Variants in DARS2 observed in about 807,000 individuals in gnomAD.
DARS2 encodes the protein aspartyl-tRNA synthetase 2, mitochondrial.
A neutral mutation model predicts 83.0 loss-of-function variants in DARS2; 63 were observed. The observed-to-expected ratio is 0.76, with a 90% CI of 0.62 to 0.94. The LOEUF is 0.94. DARS2 is among the 40% of genes least tolerant of loss of function. The pLI, the probability that DARS2 is intolerant of heterozygous loss-of-function variation, is 0.00. For missense variants in DARS2, 675 were observed against 774.4 expected (o/e 0.87, Z 1.52); for synonymous variants, 250 against 269.3 (o/e 0.93, Z 0.70).
chr1:173,854,058 C>T (rs980322045), intron 15 of DARS2, among the ~76,000 whole-genome samples, 153 bp downstream of exon 15: 20 of 152,310 alleles, frequency 1.3e-4, no homozygotes, highest in African/African-American at 4.6e-4. Context: ...TCACTGCAAT[C>T]TCAGTCTCCT....
chr1:173,857,423 T>C, intron 16 of DARS2, 95 bp from the exon 17 acceptor site: 2 of 1,285,478 alleles, frequency 1.6e-6, no homozygotes, highest in South Asian at 1.2e-5. Context: ...TAAAGATTCT[T>C]ATTTAAAAGT....
At chr1:173,850,276 C>G in intron 12 of DARS2, 51 bp from the exon 13 acceptor site, 3 of 1,482,556 alleles carry the variant, frequency 2.0e-6, no homozygotes, top group Non-Finnish European at 2.7e-6. Flanking sequence ...AAATTAATCC[C>G]ACTGTTCAAA....
chr1:173,852,691 G>A (rs1316919329), intron 13 of DARS2, among the ~76,000 whole-genome samples: 1 of 151,976 alleles, frequency 6.6e-6, no homozygotes, highest in Non-Finnish European at 1.5e-5. Context: ...TTTTAGTAGT[G>A]ACGGGGTTTC....
intron 3 of DARS2, 127 bp downstream of exon 3, chr1:173,828,526 A>G: frequency 1.1e-6 from 1 of 925,356 alleles, no homozygotes; most frequent in Non-Finnish European, 1.7e-6. Flanking sequence ...AAACTGAAAA[A>G]TATAAGCAAT....
intron 3 of DARS2, among the ~76,000 whole-genome samples, chr1:173,829,203 C>CTG (rs1652701067): frequency 1.6e-5 from 2 of 123,720 alleles, no homozygotes; most frequent in Admixed American, 7.8e-5. Flanking sequence ...AATATACATT[C>CTG]AGTGTGTGTG....
intron 11 of DARS2, among the ~76,000 whole-genome samples, chr1:173,843,819 G>A (rs1445932996): frequency 2.0e-5 from 3 of 152,234 alleles, no homozygotes; most frequent in African/African-American, 4.8e-5. Context: ...GGCAGTGCCA[G>A]TGTGGGTGGG....
At chr1:173,825,690 C>G (rs908141759) in intron 1 of DARS2, among the ~76,000 whole-genome samples, 3 of 150,744 alleles carry the variant, frequency 2.0e-5, no homozygotes, top group Non-Finnish European at 3.0e-5. Context: ...AGGATGGTCT[C>G]GATCTCCTGA....
intron 9 of DARS2, among the ~76,000 whole-genome samples, chr1:173,838,622 C>G (rs1016388014): frequency 1.3e-5 from 2 of 151,870 alleles, no homozygotes; most frequent in African/African-American, 2.4e-5. Context: ...AAACAAATCT[C>G]TTATATATTA....
At chr1:173,837,227 G>A (rs1013588371) in intron 8 of DARS2, among the ~76,000 whole-genome samples, 181 bp downstream of exon 8, 1 of 151,276 alleles carries the variant, frequency 6.6e-6, no homozygotes. Context: ...TTATTGGGTG[G>A]CCACTATGTA....
intron 12 of DARS2, among the ~76,000 whole-genome samples, chr1:173,848,261 T>C (rs914586932): frequency 2.0e-5 from 3 of 152,202 alleles, no homozygotes; most frequent in South Asian, 2.1e-4. Flanking sequence ...AGAAAGCATG[T>C]GAGAGATCAA....
In DARS2 at chr1:173,826,665, CTTTT is replaced by C; in HGVS notation, c.128-8_128-5del. Reference sequence around the variant, plus strand: ...TTTTTAATCTTGCCTTTTAAAGTTTCTTTTTTTTTTTTTTTTTAAAGAATTCAGT... The same window carrying C: ...TTTTTAATCTTGCCTTTTAAAGTTTCTTTTTTTTTTTTTAAAGAATTCAGT... On this transcript the variant is annotated intron_variant, in intron 1 of 16. Coordinates refer to ENST00000649689, the MANE Select transcript of DARS2 (RefSeq NM_018122.5). 13 of 1,260,436 alleles carry C rather than the reference CTTTT, an allele frequency of 1.0e-5. No homozygotes were observed. Among genetic ancestry groups the C allele is most frequent in the South Asian group, 2.7e-5 (2 of 73,956 alleles). The allele number at this position is 1,260,436 out of a possible 1,614,324, so 78.1% of individuals were successfully genotyped here. A position where few individuals can be genotyped will look rare whatever the true frequency, so the allele number is the denominator to read the frequency against.
chr1:173,845,357 A>G (rs2102654051), intron 12 of DARS2, 66 bp downstream of exon 12: 1 of 996,620 alleles, frequency 1.0e-6, no homozygotes. Flanking sequence ...ATTATTAACT[A>G]AACTATCATT....
intron 9 of DARS2, among the ~76,000 whole-genome samples, chr1:173,838,820 C>T (rs933346796): frequency 2.8e-4 from 43 of 152,150 alleles, no homozygotes; most frequent in African/African-American, 8.2e-4. Flanking sequence ...ATTGCTGCCT[C>T]TGCCTCTCAG....
rs76910352 is a variant in DARS2, at chr1:173,831,493, C to T, written c.397-42C>T. Reference sequence around the variant, plus strand: ...TACAAATGTGTATTTTGTGTATATCCTGATGAGTAATTTTTAAAACCCTTC... The same window carrying T: ...TACAAATGTGTATTTTGTGTATATCTTGATGAGTAATTTTTAAAACCCTTC... On this transcript the variant is annotated intron_variant, in intron 4 of 16. Transcript: ENST00000649689. 6.8e-4 allele frequency: 937 copies of T among 1,368,334 alleles called. 9 individuals are homozygous for T. In the East Asian group the frequency reaches 0.02, roughly 29 times the overall value. 84.8% of individuals were successfully genotyped at this position (1,368,334 alleles called of 1,614,324 possible).
At chr1:173,828,238 C>G (rs1652659077) in intron 2 of DARS2, 95 bp from the exon 3 acceptor site, 3 of 1,200,958 alleles carry the variant, frequency 2.5e-6, no homozygotes, top group Non-Finnish European at 3.6e-6. Flanking sequence ...TGAAAAATTG[C>G]ATGGATTTTT....
intron 10 of DARS2, 74 bp downstream of exon 10, chr1:173,839,620 CA>C: frequency 7.2e-7 from 1 of 1,379,312 alleles, no homozygotes; most frequent in Non-Finnish European, 1.0e-6. Flanking sequence ...TTGAAATTGA[CA>C]AGTGTTACAC....
intron 9 of DARS2, among the ~76,000 whole-genome samples, chr1:173,838,962 C>T (rs874342): frequency 0.063 from 9,579 of 152,138 alleles, 962 homozygotes; most frequent in African/African-American, 0.21. Context: ...GTCTGGATCT[C>T]CTGACCTCGT....
chr1:173,832,730 C>T (rs192370697), intron 5 of DARS2, among the ~76,000 whole-genome samples: 8 of 147,112 alleles, frequency 5.4e-5, no homozygotes, highest in Non-Finnish European at 8.9e-5. Context: ...GATCATGCCA[C>T]TGCACTCCAG....
At chr1:173,848,402 G>A (rs892261701) in intron 12 of DARS2, among the ~76,000 whole-genome samples, 10 of 152,188 alleles carry the variant, frequency 6.6e-5, no homozygotes, top group African/African-American at 2.4e-4. Context: ...AAAACTTTCT[G>A]TAATGATGGA....
Sources: gnomAD v4.1 joint callset for allele counts (sites outside exome capture counted in the v4.1 genomes callset) on GRCh38, gnomAD v4.1.1 for gene constraint, MANE v1.5 for transcripts, NCBI Gene and HGNC (gene_info 2026-07-23, HGNC 2026-07-21) for gene names.